The following PTPRD variants were observed in gnomAD, a reference collection of about 807,000 sequenced individuals.
PTPRD encodes the protein receptor-type tyrosine-protein phosphatase delta.
Under a neutral mutation model 214.5 loss-of-function variants are expected in PTPRD, and 34 were observed. The ratio of observed to expected loss-of-function variants is 0.16; its 90% CI spans 0.12 to 0.21. The LOEUF is 0.21. Among genes scored for constraint, PTPRD ranks in the 10% least tolerant of loss-of-function variants. PTPRD has a pLI of 1.00. For missense variants in PTPRD, 2,545 were observed against 2,398.7 expected, an observed-to-expected ratio of 1.06 and a Z score of -1.27; for synonymous variants, 1,128 against 845.7, an observed-to-expected ratio of 1.33 and a Z score of -5.79.
chr9:10,065,421 T>G (rs1473631497), intron 3 of PTPRD, among the ~76,000 whole-genome samples: 1 of 151,928 alleles, frequency 6.6e-6, no homozygotes, highest in Non-Finnish European at 1.5e-5. Context: ...CTTTTCATGC[T>G]TTGAAGCAAG....
intron 3 of PTPRD, among the ~76,000 whole-genome samples, chr9:10,175,652 T>G (rs1488072636): frequency 6.6e-6 from 1 of 152,026 alleles, no homozygotes; most frequent in Non-Finnish European, 1.5e-5. Flanking sequence ...ATTGTTATAT[T>G]TAAATATTAA....
At chr9:10,007,831 A>G (rs934856871) in intron 4 of PTPRD, among the ~76,000 whole-genome samples, 2 of 152,056 alleles carry the variant, frequency 1.3e-5, no homozygotes, top group Non-Finnish European at 2.9e-5. Context: ...CAATTGATGC[A>G]TAACAATCAA....
chr9:8,648,656 T>C (rs547053545), intron 12 of PTPRD, among the ~76,000 whole-genome samples: 2 of 152,350 alleles, frequency 1.3e-5, no homozygotes, highest in South Asian at 2.1e-4. Context: ...AAGGCCCTTA[T>C]ACTGAAACAG....
chr9:9,025,905 T>G (rs922205298), intron 10 of PTPRD, among the ~76,000 whole-genome samples: 2 of 152,062 alleles, frequency 1.3e-5, no homozygotes, highest in African/African-American at 4.8e-5. Flanking sequence ...TTTGAACATC[T>G]ACCATGTGTT....
At chr9:9,544,653 T>C (rs1300005888) in intron 8 of PTPRD, among the ~76,000 whole-genome samples, 1 of 151,758 alleles carries the variant, frequency 6.6e-6, no homozygotes, top group African/African-American at 2.4e-5. Context: ...CTTTTTGCTT[T>C]CATACAAATT....
At chr9:10,024,406 T>C (rs2096881242) in intron 4 of PTPRD, among the ~76,000 whole-genome samples, 1 of 152,148 alleles carries the variant, frequency 6.6e-6, no homozygotes, top group Admixed American at 6.6e-5. Flanking sequence ...GAACCCCTTA[T>C]TATATAAGTC....
intron 10 of PTPRD, among the ~76,000 whole-genome samples, chr9:9,029,496 C>G (rs567025097): frequency 5.9e-3 from 78 of 13,248 alleles, no homozygotes; most frequent in African/African-American, 0.013. Flanking sequence ...GCTACTTGCA[C>G]TAAAAAAAAT....
At chr9:10,376,747 T>C (rs1345727925) in intron 2 of PTPRD, among the ~76,000 whole-genome samples, 2 of 152,064 alleles carry the variant, frequency 1.3e-5, no homozygotes, top group East Asian at 1.9e-4. Flanking sequence ...CTTTAGGTTA[T>C]GTTTTTATTT....
At chr9:9,488,309 T>C (rs2095745754) in intron 8 of PTPRD, among the ~76,000 whole-genome samples, 1 of 152,204 alleles carries the variant, frequency 6.6e-6, no homozygotes, top group African/African-American at 2.4e-5. Context: ...CAGTTTAATG[T>C]ATTAGTGGTC....
chr9:8,336,212 T>G (rs12238805), intron 43 of PTPRD, among the ~76,000 whole-genome samples: 58,684 of 147,394 alleles, frequency 0.4, 13,467 homozygotes, highest in Non-Finnish European at 0.51. Flanking sequence ...CAAACAAGGC[T>G]ACAGTAACCA....
At chr9:8,581,696 G>A (rs927512897) in intron 14 of PTPRD, among the ~76,000 whole-genome samples, 1 of 151,518 alleles carries the variant, frequency 6.6e-6, no homozygotes, top group Non-Finnish European at 1.5e-5. Flanking sequence ...GCAGTGAGCC[G>A]AGATCCCGCT....
At chr9:9,343,336 A>ACC (rs2047564388) in intron 9 of PTPRD, among the ~76,000 whole-genome samples, 1 of 152,052 alleles carries the variant, frequency 6.6e-6, no homozygotes, top group Admixed American at 6.6e-5. Flanking sequence ...TAATTTACAC[A>ACC]CCCAACAGTG....
chr9:9,904,027 G>A (rs2076996269), intron 5 of PTPRD, among the ~76,000 whole-genome samples: 1 of 152,020 alleles, frequency 6.6e-6, no homozygotes, highest in African/African-American at 2.4e-5. Flanking sequence ...GTTACCCCTG[G>A]CAAAGTTCAG....
intron 6 of PTPRD, among the ~76,000 whole-genome samples, chr9:9,754,071 A>G (rs2098546559): frequency 6.6e-6 from 1 of 152,110 alleles, no homozygotes; most frequent in Admixed American, 6.6e-5. Context: ...ACTACTTATT[A>G]GCAGAATGCT....
At chr9:10,291,323 C>A (rs1393682390) in intron 3 of PTPRD, among the ~76,000 whole-genome samples, 1 of 152,058 alleles carries the variant, frequency 6.6e-6, no homozygotes, top group Non-Finnish European at 1.5e-5. Flanking sequence ...GAATGATGGT[C>A]TCAAAACATG....
intron 10 of PTPRD, among the ~76,000 whole-genome samples, chr9:9,044,528 T>C (rs1444291987): frequency 6.6e-6 from 1 of 152,234 alleles, no homozygotes; most frequent in African/African-American, 2.4e-5. Flanking sequence ...CTAACTAGTT[T>C]AGGCATTTCT....
intron 37 of PTPRD, among the ~76,000 whole-genome samples, chr9:8,380,132 A>T (rs914862178): frequency 6.6e-6 from 1 of 151,960 alleles, no homozygotes; most frequent in Non-Finnish European, 1.5e-5. Context: ...TCTAAATGTG[A>T]AAAAAAAGAA....
chr9:10,346,844 G>C (rs1029813356), intron 2 of PTPRD, among the ~76,000 whole-genome samples: 1 of 152,082 alleles, frequency 6.6e-6, no homozygotes, highest in South Asian at 2.1e-4. Context: ...ATTTGTCATA[G>C]GCCTTACAGC....
chr9:10,141,392 C>A (rs559739387), intron 3 of PTPRD, among the ~76,000 whole-genome samples: 14 of 152,202 alleles, frequency 9.2e-5, no homozygotes, highest in African/African-American at 3.1e-4. Context: ...TGATAAGCAA[C>A]TTCAGCAAAG....
Sources: allele counts gnomAD v4.1 joint callset (sites outside exome capture counted in the v4.1 genomes callset), GRCh38; gene constraint gnomAD v4.1.1; transcripts MANE v1.5; gene names NCBI Gene and HGNC (gene_info 2026-07-23, HGNC 2026-07-21).